The following DOCK2 variants were observed in gnomAD, a reference collection of about 807,000 sequenced individuals.
The protein encoded by DOCK2 is dedicator of cytokinesis 2.
Under a neutral mutation model 248.9 loss-of-function variants are expected in DOCK2, and 87 were observed. That is an observed-to-expected ratio of 0.35 (90% CI 0.29 to 0.42). The LOEUF (loss-of-function observed/expected upper bound fraction) is 0.42, where lower values mean the gene tolerates loss of function less well. Ranked by LOEUF, DOCK2 falls within the 10% of genes least tolerant of loss-of-function variation. The pLI is 1.00. For missense variants in DOCK2, 1,747 were observed against 2,300.2 expected (o/e 0.76, Z 4.92); for synonymous variants, 805 against 821.6 (o/e 0.98, Z 0.35).
intron 1 of DOCK2, 107 bp from the exon 2 acceptor site, chr5:169,654,296 G>T: frequency 8.1e-7 from 1 of 1,239,294 alleles, no homozygotes; most frequent in Non-Finnish European, 1.2e-6. Flanking sequence ...TTTAGCCCAG[G>T]TGGGCTGCGT....
At chr5:169,735,720 A>G (rs999079434) in intron 22 of DOCK2, among the ~76,000 whole-genome samples, 1 of 152,170 alleles carries the variant, frequency 6.6e-6, no homozygotes, top group Non-Finnish European at 1.5e-5. Flanking sequence ...TGGAGACCCT[A>G]AGCACACCTA....
At position 169,827,160 on chromosome 5, in the gene DOCK2, G is replaced by A. The variant is rs574744235; in HGVS notation, c.2704-13597G>A. ...TATTTATATATATGGAAAATCCCCCGCTTGTTTTAAAAATGCAGCTATGGT... is the reference window on the plus strand; with the variant it reads ...TATTTATATATATGGAAAATCCCCCACTTGTTTTAAAAATGCAGCTATGGT... On this transcript the variant is annotated intron_variant, in intron 26 of 51. Coordinates refer to ENST00000520908, the MANE Select transcript of DOCK2 (RefSeq NM_004946.3). Among the ~76,000 whole-genome samples, 3 of 152,214 alleles carry A rather than the reference G, an allele frequency of 2.0e-5. No individual in the cohort carries two copies. In the South Asian group the frequency reaches 6.2e-4, roughly 32 times the overall value.
intron 25 of DOCK2, among the ~76,000 whole-genome samples, chr5:169,783,842 C>G (rs1455496291): frequency 6.6e-6 from 1 of 152,176 alleles, no homozygotes; most frequent in Non-Finnish European, 1.5e-5. Context: ...AATAAGCAAG[C>G]TTGCAGATAC....
intron 26 of DOCK2, among the ~76,000 whole-genome samples, chr5:169,807,626 A>T (rs1447291107): frequency 6.6e-6 from 1 of 151,904 alleles, no homozygotes; most frequent in Non-Finnish European, 1.5e-5. Context: ...AGGTCAGGAG[A>T]TCGAGACCAT....
chr5:169,731,795 G>A (rs1762787564), intron 22 of DOCK2, among the ~76,000 whole-genome samples: 1 of 152,102 alleles, frequency 6.6e-6, no homozygotes, highest in South Asian at 2.1e-4. Context: ...TGCATGTCTT[G>A]AGTGCCATAG....
chr5:169,880,848 TACTC>T (rs1338302932), intron 27 of DOCK2, among the ~76,000 whole-genome samples: 1 of 152,218 alleles, frequency 6.6e-6, no homozygotes, highest in Non-Finnish European at 1.5e-5. Context: ...GCAGCAAACT[TACTC>T]TGTGCTAGAA....
chr5:170,030,289 G>A (rs1756084442), intron 34 of DOCK2, among the ~76,000 whole-genome samples: 1 of 152,142 alleles, frequency 6.6e-6, no homozygotes, highest in Non-Finnish European at 1.5e-5. Context: ...TGAAACAGAG[G>A]TGTGAATGAT....
At chr5:169,969,414 C>T (rs140030315) in intron 27 of DOCK2, among the ~76,000 whole-genome samples, 64 of 152,238 alleles carry the variant, frequency 4.2e-4, no homozygotes, top group African/African-American at 1.3e-3. Flanking sequence ...CACTGCACTC[C>T]AGCCTGGGTG....
intron 22 of DOCK2, among the ~76,000 whole-genome samples, chr5:169,746,050 C>T (rs565922893): frequency 7.2e-5 from 11 of 152,186 alleles, no homozygotes; most frequent in East Asian, 1.9e-4. Context: ...CCATAACCAA[C>T]GGGAACATTC....
intron 25 of DOCK2, among the ~76,000 whole-genome samples, chr5:169,770,853 T>A (rs1205386948): frequency 1.3e-5 from 2 of 152,252 alleles, no homozygotes; most frequent in East Asian, 3.8e-4. Flanking sequence ...TCATTCATGC[T>A]TTCAATTTCA....
intron 27 of DOCK2, among the ~76,000 whole-genome samples, chr5:169,945,684 G>A (rs1033579757): frequency 2.0e-5 from 3 of 152,186 alleles, no homozygotes; most frequent in African/African-American, 4.8e-5. Context: ...GGAGTAGAAC[G>A]GAGGCTGGAT....
chr5:169,741,177 A>G (rs1366399666), intron 22 of DOCK2, among the ~76,000 whole-genome samples: 1 of 152,120 alleles, frequency 6.6e-6, no homozygotes, highest in Non-Finnish European at 1.5e-5. Flanking sequence ...TGTCTTTGCA[A>G]TTTCTTATTT....
Position 170,056,628 on chromosome 5 carries a change from G to A in DOCK2, c.4296-56G>A, listed in dbSNP as rs1434290800. On this transcript the variant is annotated intron_variant, in intron 42 of 51. Transcript: ENST00000520908. ...TCCCTGGACAGTGCAGGGTCAGATC[G>A]GGTGTCAGCAGCCGGGGATGGCTAC... 9 of 1,458,030 alleles carry A rather than the reference G, an allele frequency of 6.2e-6. No individual in the cohort carries two copies. The East Asian group carries it at 6.8e-5, about 11-fold the overall frequency. The allele number at this position is 1,458,030 out of a possible 1,614,324, so 90.3% of individuals were successfully genotyped here.
At chr5:170,006,634 C>T (rs1441222430) in intron 30 of DOCK2, among the ~76,000 whole-genome samples, 1 of 152,148 alleles carries the variant, frequency 6.6e-6, no homozygotes, top group Non-Finnish European at 1.5e-5. Context: ...ATCCCTAGAG[C>T]AGTTTGTTTT....
chr5:169,692,621 G>A (rs1467123282), intron 9 of DOCK2, among the ~76,000 whole-genome samples: 1 of 151,994 alleles, frequency 6.6e-6, no homozygotes, highest in East Asian at 1.9e-4. Context: ...AGAAGAAGGT[G>A]GAATGGGGGC....
chr5:169,910,692 A>G (rs1774547376), intron 27 of DOCK2, among the ~76,000 whole-genome samples: 1 of 152,226 alleles, frequency 6.6e-6, no homozygotes, highest in Non-Finnish European at 1.5e-5. Context: ...ATCTCTAGCT[A>G]CAAGACTCAG....
intron 1 of DOCK2, among the ~76,000 whole-genome samples, chr5:169,651,340 C>T (rs80350827): frequency 0.062 from 9,479 of 152,192 alleles, 331 homozygotes; most frequent in South Asian, 0.1. Context: ...GGAATGAATA[C>T]GGATCTTCAC....
intron 22 of DOCK2, among the ~76,000 whole-genome samples, chr5:169,737,255 C>T (rs1462781805): frequency 1.3e-5 from 2 of 151,906 alleles, no homozygotes; most frequent in Admixed American, 1.3e-4. Flanking sequence ...GGGAGTTTGA[C>T]CCAAAGGAAC....
At chr5:169,653,543 T>C (rs544842662) in intron 1 of DOCK2, among the ~76,000 whole-genome samples, 1 of 152,224 alleles carries the variant, frequency 6.6e-6, no homozygotes, top group African/African-American at 2.4e-5. Flanking sequence ...TCCTGGTAAA[T>C]CTCCTACACA....
Sources: gnomAD v4.1 joint callset for allele counts (sites outside exome capture counted in the v4.1 genomes callset) on GRCh38, gnomAD v4.1.1 for gene constraint, MANE v1.5 for transcripts, NCBI Gene and HGNC (gene_info 2026-07-23, HGNC 2026-07-21) for gene names.